MYOCD: variants seen among roughly 807,000 people sequenced by gnomAD.
The protein encoded by MYOCD is myocardin.
Under a neutral mutation model 96.1 loss-of-function variants are expected in MYOCD, and 32 were observed. That is an observed-to-expected ratio of 0.33 (90% confidence interval 0.25 to 0.45). The LOEUF is 0.45. Ranked by LOEUF, MYOCD falls within the 20% of genes least tolerant of loss-of-function variation. The pLI is 1.00. For synonymous variants in MYOCD, 469 were observed against 469.0 expected, an observed-to-expected ratio of 1.00 and a Z score of 0.00; for missense variants, 1,133 against 1,200.6, an observed-to-expected ratio of 0.94 and a Z score of 0.83.
At chr17:12,726,087 T>C (rs1439124440) in intron 5 of MYOCD, among the ~76,000 whole-genome samples, 1 of 152,202 alleles carries the variant, frequency 6.6e-6, no homozygotes, top group African/African-American at 2.4e-5. Flanking sequence ...TAATGCTGGC[T>C]GGGGAACAAA....
chr17:12,710,375 A>G (rs1391283994), intron 2 of MYOCD: 2 of 338,520 alleles, frequency 5.9e-6, no homozygotes, highest in African/African-American at 4.5e-5. Context: ...TCTCAGAGAA[A>G]GCCCCTGCTG....
Position 12,744,170 on chromosome 17 carries a change from A to G in MYOCD, c.718-13A>G. 6.2e-7 allele frequency: 1 copy of G among 1,612,462 alleles called. No individual in the cohort carries two copies. Reference sequence around the variant, plus strand: ...CACCTAAAGCACATGCAATTTCCTCATCTTCTTTGCAGTCCAAATCCTTGG... The same window carrying G: ...CACCTAAAGCACATGCAATTTCCTCGTCTTCTTTGCAGTCCAAATCCTTGG... On this transcript the variant is annotated splice_polypyrimidine_tract_variant and intron_variant, in intron 7 of 13. Coordinates refer to ENST00000425538, the MANE Select transcript of MYOCD (RefSeq NM_001146312.3).
At position 12,766,774 on chromosome 17, in the gene MYOCD, G is replaced by A. The variant is rs1213409045; in HGVS notation, c.*3130G>A. ...TTCTTAAGACCTCTGAACCCCCATG[G>A]TGATGAAGACTTGAAGACATTTGCA... On this transcript the variant is annotated 3_prime_UTR_variant, in exon 14 of 14. Transcript: ENST00000425538. 6.6e-6 allele frequency: 1 copy of A among 152,150 alleles called. No individual in the cohort carries two copies. Among genetic ancestry groups the A allele is most frequent in the Non-Finnish European group, 1.5e-5 (1 of 68,036 alleles). 9.4% of individuals were successfully genotyped at this position (152,150 alleles called of 1,614,324 possible).
At chr17:12,740,268 C>T (rs981693513) in intron 7 of MYOCD, among the ~76,000 whole-genome samples, 7 of 152,174 alleles carry the variant, frequency 4.6e-5, no homozygotes, top group African/African-American at 9.7e-5. Context: ...GTAGTGCACC[C>T]GTCACCTGAG....
Position 12,752,709 on chromosome 17 carries a change from C to A in MYOCD, c.1421C>A (p.Thr474Asn), listed in dbSNP as rs1450031224. ...TCAGTCGCTGGGTCCCTGCCGGACA[C>A]CTTCAATGATGCCTCCCCCTCCTTC... ...DLSVAGSLPD[T>N]FNDASPSFGL... The change falls in exon 10 of 14, where the codon ACC (threonine) becomes AAC (asparagine). Residue 474 changes from threonine (T) to asparagine (N), a missense_variant. Coordinates refer to ENST00000425538, the MANE Select transcript of MYOCD (RefSeq NM_001146312.3). 6.2e-7 allele frequency: 1 copy of A among 1,614,208 alleles called. No homozygotes were observed. Among genetic ancestry groups the A allele is most frequent in the Non-Finnish European group, 8.5e-7 (1 of 1,180,044 alleles).
chr17:12,669,250 C>A (rs1909549790), intron 1 of MYOCD, among the ~76,000 whole-genome samples: 1 of 152,192 alleles, frequency 6.6e-6, no homozygotes, highest in Admixed American at 6.5e-5. Flanking sequence ...GTGCCACACA[C>A]AGGCACACAC....
At chr17:12,718,005 T>G (rs1165068230) in intron 4 of MYOCD, among the ~76,000 whole-genome samples, 1 of 152,136 alleles carries the variant, frequency 6.6e-6, no homozygotes, top group African/African-American at 2.4e-5. Flanking sequence ...TACTCCCGCC[T>G]CATAAGTTGC....
rs533091919 is a variant in MYOCD at position 12,689,196 on chromosome 17, C to T, written c.56-15932C>T. On this transcript the variant is annotated intron_variant, in intron 1 of 13. Transcript: ENST00000425538. ...ATTTAATCAGATGAAACTTTTCCTA[C>T]CTGCTGCATATAAACATTTACAGGA... Among the ~76,000 whole-genome samples the T allele has an allele frequency of 4.6e-5, 7 of 152,262 alleles. No individual in the cohort carries two copies. In the South Asian group the frequency reaches 1.5e-3, roughly 32 times the overall value.
chr17:12,701,389 G>A (rs776067503), intron 1 of MYOCD, among the ~76,000 whole-genome samples: 2 of 152,120 alleles, frequency 1.3e-5, no homozygotes, highest in Admixed American at 6.5e-5. Flanking sequence ...TCCAGCCTTG[G>A]TGACAGAGTG....
intron 1 of MYOCD, 50 bp from the exon 2 acceptor site, chr17:12,705,078 A>T (rs1404304887): frequency 1.8e-6 from 2 of 1,123,530 alleles, no homozygotes; most frequent in African/African-American, 3.1e-5. Flanking sequence ...AAATATAATG[A>T]TTGTAATGAT....
intron 1 of MYOCD, among the ~76,000 whole-genome samples, chr17:12,691,986 A>G (rs80191014): frequency 6.6e-6 from 1 of 152,208 alleles, no homozygotes; most frequent in Non-Finnish European, 1.5e-5. Flanking sequence ...GCCCCTTTCA[A>G]CTTTCTTACT....
In MYOCD at chr17:12,764,615, T is replaced by C. The variant is rs1235128616; in HGVS notation, c.*971T>C. The C allele has an allele frequency of 6.6e-6, 1 of 152,264 alleles. No homozygotes were observed. The highest frequency in any genetic ancestry group is 1.5e-5 in the Non-Finnish European group (1 of 68,052). The allele number at this position is 152,264 out of a possible 1,614,324, so 9.4% of individuals were successfully genotyped here. A position where few individuals can be genotyped will look rare whatever the true frequency, so the allele number is the denominator to read the frequency against. ...CTGGGATAAACACCCTGGGTTCCTA[T>C]AGAAGGACTATTACTTATGGGAGTC... is the stretch of plus-strand genomic sequence containing the variant. On this transcript the variant is annotated 3_prime_UTR_variant, in exon 14 of 14. Coordinates refer to ENST00000425538, the MANE Select transcript of MYOCD (RefSeq NM_001146312.3).
At chr17:12,748,182 A>G (rs2032726384) in intron 9 of MYOCD, among the ~76,000 whole-genome samples, 1 of 150,916 alleles carries the variant, frequency 6.6e-6, no homozygotes, top group Admixed American at 6.6e-5. Flanking sequence ...AAAAAAACAA[A>G]AAAACAAAAA....
intron 1 of MYOCD, among the ~76,000 whole-genome samples, chr17:12,668,347 C>T (rs1473463278): frequency 3.3e-5 from 5 of 152,156 alleles, no homozygotes; most frequent in Non-Finnish European, 5.9e-5. Context: ...GATAGTAGAT[C>T]GTGGTATTAT....
chr17:12,747,777 AAAAG>A (rs2032709767), intron 9 of MYOCD, among the ~76,000 whole-genome samples: 1 of 152,194 alleles, frequency 6.6e-6, no homozygotes, highest in Non-Finnish European at 1.5e-5. Context: ...ACACAAAAGG[AAAAG>A]AACACTGAGA....
rs372928138 is a variant in MYOCD, at chr17:12,736,248, G to T, written c.503G>T (p.Arg168Leu). The part of the protein sequence containing the change: ...SSDGLSPDQT[R>L]SEDPQNSAGS... ...GATGGGCTTTCTCCGGATCAGACTC[G>T]AAGTGAAGACCCCCAAAACTCAGCG... The change falls in exon 6 of 14, where the codon CGA (arginine) becomes CTA (leucine). Residue 168 changes from arginine (R) to leucine (L), a missense_variant. Transcript: ENST00000425538. 1 of 1,614,192 alleles carries T rather than the reference G, an allele frequency of 6.2e-7. No individual in the cohort carries two copies. The highest frequency in any genetic ancestry group is 8.5e-7 in the Non-Finnish European group (1 of 1,180,034).
At chr17:12,696,048 TTTGTTGTTG>T (rs368329219) in intron 1 of MYOCD, among the ~76,000 whole-genome samples, 7 of 151,828 alleles carry the variant, frequency 4.6e-5, no homozygotes, top group African/African-American at 9.7e-5. Context: ...ATAATATTCC[TTTGTTGTTG>T]TTGTTGTTGT....
At chr17:12,757,336 T>C (rs2033041507) in intron 11 of MYOCD, among the ~76,000 whole-genome samples, 1 of 152,134 alleles carries the variant, frequency 6.6e-6, no homozygotes, top group South Asian at 2.1e-4. Flanking sequence ...AGACCCTGAA[T>C]TGGGCCAGGC....
At chr17:12,749,667 A>G (rs2032778802) in intron 9 of MYOCD, among the ~76,000 whole-genome samples, 1 of 76,974 alleles carries the variant, frequency 1.3e-5, no homozygotes, top group Admixed American at 1.4e-4. Context: ...ATATACACAT[A>G]TGTATATACA....
Sources: gnomAD v4.1 joint callset for allele counts (sites outside exome capture counted in the v4.1 genomes callset) on GRCh38, gnomAD v4.1.1 for gene constraint, MANE v1.5 for transcripts, NCBI Gene and HGNC (gene_info 2026-07-23, HGNC 2026-07-21) for gene names.